Variants in PCDH11Y observed in about 807,000 individuals in gnomAD.
The protein encoded by PCDH11Y is protocadherin-11 Y-linked.
For synonymous variants in PCDH11Y, 9 were observed against 83.6 expected (o/e 0.11, Z 4.87); for missense variants, 12 against 224.8 (o/e 0.05, Z 6.05).
In PCDH11Y at chrY:5,155,655, G is replaced by GT. The variant is rs776393480; in HGVS notation, c.3129+54957dup. Among the ~76,000 whole-genome samples the GT allele has an allele frequency of 1.9e-4, 6 of 30,926 alleles. No individual in the cohort carries two copies. The South Asian group carries it at 2.1e-3, about 11-fold the overall frequency. The allele number at this position is 30,926 out of a possible 37,273, so 83.0% of individuals were successfully genotyped here. On this transcript the variant is annotated intron_variant, in intron 2 of 4. Transcript: ENST00000400457. ...GTCCCTGCAAAGGACGCGATGTCAT[G>GT]TTTTTTTTTAATGGCTGCATAGTAT...
intron 2 of PCDH11Y, among the ~76,000 whole-genome samples, chrY:5,326,683 T>G: frequency 6.1e-5 from 2 of 32,665 alleles, no homozygotes; most frequent in African/African-American, 1.2e-4. Flanking sequence ...ATTGAAGTCC[T>G]GGCCAGGAAC....
chrY:5,521,439 G>T, intron 3 of PCDH11Y, among the ~76,000 whole-genome samples: 2 of 32,439 alleles, frequency 6.2e-5, no homozygotes, highest in African/African-American at 2.4e-4. Flanking sequence ...ACAAAGTGCT[G>T]GGATTACAGG....
intron 3 of PCDH11Y, among the ~76,000 whole-genome samples, chrY:5,517,057 G>T: frequency 3.0e-5 from 1 of 33,280 alleles, no homozygotes; most frequent in Non-Finnish European, 7.5e-5. Context: ...GAAAATAGAA[G>T]ACCTTATAAT....
At chrY:5,185,140 C>T (rs2052905025) in intron 2 of PCDH11Y, among the ~76,000 whole-genome samples, 1 of 32,135 alleles carries the variant, frequency 3.1e-5, no homozygotes, top group African/African-American at 1.2e-4. Flanking sequence ...AGTGCAGTGG[C>T]GCAATCTCAG....
intron 2 of PCDH11Y, among the ~76,000 whole-genome samples, chrY:5,461,717 G>A (rs2053303732): frequency 3.0e-5 from 1 of 33,414 alleles, no homozygotes; most frequent in African/African-American, 1.2e-4. Flanking sequence ...GCAGGTTCAT[G>A]TCATCAGCAT....
At chrY:5,257,204 A>G (rs2053012158) in intron 2 of PCDH11Y, among the ~76,000 whole-genome samples, 2 of 32,469 alleles carry the variant, frequency 6.2e-5, no homozygotes, top group Admixed American at 5.7e-4. Context: ...TATTATATTG[A>G]GGTATGTTTC....
intron 2 of PCDH11Y, among the ~76,000 whole-genome samples, chrY:5,193,830 A>C: frequency 3.1e-5 from 1 of 32,747 alleles, no homozygotes; most frequent in African/African-American, 1.2e-4. Flanking sequence ...TTGGTATAAA[A>C]AATAGTTGGT....
At chrY:5,731,362 T>G in intron 4 of PCDH11Y, among the ~76,000 whole-genome samples, 1 of 32,705 alleles carries the variant, frequency 3.1e-5, no homozygotes, top group Non-Finnish European at 7.6e-5. Context: ...TGGGCGATTG[T>G]GTGCTTCCAG....
chrY:5,034,163 C>G, intron 3 of PCDH11Y, among the ~76,000 whole-genome samples: 4 of 32,761 alleles, frequency 1.2e-4, no homozygotes, highest in Non-Finnish European at 3.0e-4. Context: ...CCTTTTCTCT[C>G]TTTAACACCT....
chrY:5,559,738 C>T, intron 3 of PCDH11Y, among the ~76,000 whole-genome samples: 5 of 33,158 alleles, frequency 1.5e-4, no homozygotes, highest in Admixed American at 1.4e-3. Flanking sequence ...TTGCCTTCTA[C>T]CATAATTGTG....
At chrY:5,049,786 C>A in intron 3 of PCDH11Y, among the ~76,000 whole-genome samples, 1 of 32,347 alleles carries the variant, frequency 3.1e-5, no homozygotes, top group Admixed American at 2.9e-4. Context: ...TGGTCTCCAT[C>A]TCCTGACCTC....
At chrY:5,286,875 C>A in intron 2 of PCDH11Y, among the ~76,000 whole-genome samples, 1 of 32,491 alleles carries the variant, frequency 3.1e-5, no homozygotes, top group African/African-American at 1.2e-4. Flanking sequence ...TATTAAGATG[C>A]CTTTTATCTT....
intron 4 of PCDH11Y, among the ~76,000 whole-genome samples, chrY:5,707,090 T>C: frequency 4.3e-5 from 1 of 23,515 alleles, no homozygotes; most frequent in African/African-American, 1.7e-4. Flanking sequence ...AAATTAAATG[T>C]TATTAATGAG....
At chrY:5,330,381 AGGTCACAGGGGATGCGATGGCTT>A (rs2053129751) in intron 2 of PCDH11Y, among the ~76,000 whole-genome samples, 2 of 33,825 alleles carry the variant, frequency 5.9e-5, no homozygotes, top group East Asian at 1.6e-3. Flanking sequence ...ATATACGTGC[AGGTCACAGGGGATGCGATGGCTT>A]GGCTTGGGCT....
chrY:5,500,696 T>A, intron 2 of PCDH11Y, among the ~76,000 whole-genome samples: 1 of 33,796 alleles, frequency 3.0e-5, no homozygotes, highest in Non-Finnish European at 7.3e-5. Flanking sequence ...CATTTATTAC[T>A]CAAAAAATAA....
At chrY:5,225,703 T>G in intron 2 of PCDH11Y, among the ~76,000 whole-genome samples, 9 of 32,578 alleles carry the variant, frequency 2.8e-4, no homozygotes, top group Admixed American at 2.6e-3. Context: ...TCCAAACTAT[T>G]CTCCCTGGTG....
intron 2 of PCDH11Y, among the ~76,000 whole-genome samples, chrY:5,407,827 A>G (rs2053241255): frequency 3.5e-5 from 1 of 28,970 alleles, no homozygotes; most frequent in Non-Finnish European, 8.3e-5. Flanking sequence ...AGGCAGGAGA[A>G]TGGAGTGAAC....
intron 4 of PCDH11Y, among the ~76,000 whole-genome samples, chrY:5,617,655 A>G: frequency 3.0e-5 from 1 of 32,860 alleles, no homozygotes; most frequent in South Asian, 6.6e-4. Context: ...TTATACAAAC[A>G]ATTGATAGTT....
intron 2 of PCDH11Y, among the ~76,000 whole-genome samples, chrY:5,470,195 G>A (rs2053312827): frequency 3.3e-5 from 1 of 30,514 alleles, no homozygotes; most frequent in South Asian, 7.3e-4. Flanking sequence ...CACAACCTGG[G>A]TAGTCACAGA....
Sources: allele counts gnomAD v4.1 joint callset (sites outside exome capture counted in the v4.1 genomes callset), GRCh38; gene constraint gnomAD v4.1.1; transcripts MANE v1.5; gene names NCBI Gene and HGNC (gene_info 2026-07-23, HGNC 2026-07-21).